Variants in BNC2 observed in about 807,000 individuals in gnomAD.
BNC2 encodes zinc finger protein basonuclin-2.
A neutral mutation model predicts 76.3 loss-of-function variants in BNC2; 20 were observed. The ratio of observed to expected loss-of-function variants is 0.26; its 90% confidence interval spans 0.18 to 0.38. The LOEUF (loss-of-function observed/expected upper bound fraction) is 0.38, where lower values mean the gene tolerates loss of function less well. Among genes scored for constraint, BNC2 ranks in the 10% least tolerant of loss-of-function variants. BNC2 has a pLI of 1.00. For synonymous variants in BNC2, 582 were observed against 514.8 expected (o/e 1.13, Z -1.77); for missense variants, 1,382 against 1,399.8 (o/e 0.99, Z 0.20).
rs1473647913 is a variant in BNC2 at position 16,678,261 on chromosome 9, C to CTTTCTCTTTT, written c.330+49535_330+49536insAAAAGAGAAA. On this transcript the variant is annotated intron_variant, in intron 3 of 6. Coordinates refer to ENST00000380672, the MANE Select transcript of BNC2 (RefSeq NM_017637.6). ...ACCATAACTTGTAACTGTTTTCTTT[C>CTTTCTCTTTT]TTTTTCTTTTTTTTTTTTTTTTTTT... 6.1e-4 allele frequency among the ~76,000 whole-genome samples: 46 copies of CTTTCTCTTTT among 75,880 alleles called. 1 individual carries two copies. The highest frequency in any genetic ancestry group is 2.5e-3 in the South Asian group (4 of 1,604). The allele number at this position is 75,880 out of a possible 152,430, so 49.8% of individuals were successfully genotyped here. A position where few individuals can be genotyped will look rare whatever the true frequency, so the allele number is the denominator to read the frequency against.
At chr9:16,819,548 A>T (rs1818265475) in intron 1 of BNC2, among the ~76,000 whole-genome samples, 1 of 152,012 alleles carries the variant, frequency 6.6e-6, no homozygotes, top group Non-Finnish European at 1.5e-5. Context: ...CTGTAATTCC[A>T]GCTACTCAGG....
At chr9:16,536,982 C>T (rs1818149522) in intron 5 of BNC2, among the ~76,000 whole-genome samples, 1 of 152,082 alleles carries the variant, frequency 6.6e-6, no homozygotes. Flanking sequence ...TGAAATGTTA[C>T]TAACATATTA....
At chr9:16,805,989 T>TC (rs1305709767) in intron 1 of BNC2, among the ~76,000 whole-genome samples, 1 of 152,090 alleles carries the variant, frequency 6.6e-6, no homozygotes, top group Non-Finnish European at 1.5e-5. Context: ...ATGATTTGCT[T>TC]CCCCAATGAA....
At chr9:16,615,513 C>T (rs1820673105) in intron 3 of BNC2, among the ~76,000 whole-genome samples, 2 of 152,122 alleles carry the variant, frequency 1.3e-5, no homozygotes, top group South Asian at 2.1e-4. Context: ...AATGGAAGGA[C>T]ATCAAAAGGA....
At chr9:16,710,591 T>C (rs959151879) in intron 3 of BNC2, among the ~76,000 whole-genome samples, 1 of 152,216 alleles carries the variant, frequency 6.6e-6, no homozygotes, top group Non-Finnish European at 1.5e-5. Context: ...TATGCATGTA[T>C]GCTTTTCAAG....
intron 3 of BNC2, among the ~76,000 whole-genome samples, chr9:16,661,671 A>G (rs895149847): frequency 1.3e-5 from 2 of 152,134 alleles, no homozygotes; most frequent in African/African-American, 2.4e-5. Context: ...TTTCATGTCT[A>G]TTTCTAAAGA....
At chr9:16,833,023 C>T (rs1031419596) in intron 1 of BNC2, among the ~76,000 whole-genome samples, 1 of 152,050 alleles carries the variant, frequency 6.6e-6, no homozygotes, top group African/African-American at 2.4e-5. Context: ...CCCGCCCTAC[C>T]CAAATTCCTT....
Position 16,523,621 on chromosome 9 carries a change from C to CA in BNC2, c.669+28908dup, listed in dbSNP as rs1168842111. On this transcript the variant is annotated intron_variant, in intron 5 of 6. Transcript: ENST00000380672. ...GTATAAACTTTCTGGAAAAAGAATA[C>CA]AAAAAAAGATTAAAAGAATCTTTTG... Among the ~76,000 whole-genome samples, 5 of 151,438 alleles carry CA rather than the reference C, an allele frequency of 3.3e-5. No individual in the cohort carries two copies. The South Asian group carries it at 6.2e-4, about 19-fold the overall frequency.
At chr9:16,458,414 T>A (rs1306001125) in intron 5 of BNC2, among the ~76,000 whole-genome samples, 1 of 152,228 alleles carries the variant, frequency 6.6e-6, no homozygotes, top group Admixed American at 6.5e-5. Context: ...AATATTGGGA[T>A]ATTAACAAAT....
chr9:16,419,577 CG>C lies in BNC2; in HGVS notation c.2711del (p.Ser904CysfsTer15). 1 of 1,611,812 alleles carries C rather than the reference CG, an allele frequency of 6.2e-7. No individual in the cohort carries two copies. The highest frequency in any genetic ancestry group is 8.5e-7 in the Non-Finnish European group (1 of 1,179,784). On this transcript the variant is annotated frameshift_variant, in exon 7 of 7. Coordinates refer to ENST00000380672, the MANE Select transcript of BNC2 (RefSeq NM_017637.6). LOFTEE classifies it high-confidence loss of function. ...KELDDMGLDS[S>X]QPSLSKDLRD... ...GGAGGTCCTTGCTAAGGGAGGGCTG[CG>C]ACGAGTCCAGGCCCATGTCATCGAG... is the stretch of plus-strand genomic sequence containing the variant.
rs546415010 is a variant in BNC2, at chr9:16,519,678, C to T, written c.669+32852G>A. Among the ~76,000 whole-genome samples, 5 of 152,304 alleles carry T rather than the reference C, an allele frequency of 3.3e-5. 1 individual carries two copies. The East Asian group carries it at 9.7e-4, about 29-fold the overall frequency. On this transcript the variant is annotated intron_variant, in intron 5 of 6. Coordinates refer to ENST00000380672, the MANE Select transcript of BNC2 (RefSeq NM_017637.6). Reference sequence around the variant, plus strand: ...CTACTTGTGGAGTTCTCATTAGGTACTAAGCACTTAACTACCATTTTCTCC... The same window carrying T: ...CTACTTGTGGAGTTCTCATTAGGTATTAAGCACTTAACTACCATTTTCTCC...
chr9:16,707,204 C>G (rs1417611265), intron 3 of BNC2, among the ~76,000 whole-genome samples: 2 of 147,360 alleles, frequency 1.4e-5, no homozygotes, highest in East Asian at 4.0e-4. Context: ...TCCGCCCCCC[C>G]GCCAAAAAAA....
At chr9:16,847,016 T>C (rs971763842) in intron 1 of BNC2, among the ~76,000 whole-genome samples, 2 of 152,166 alleles carry the variant, frequency 1.3e-5, no homozygotes, top group East Asian at 1.9e-4. Flanking sequence ...ACAAAGTAGA[T>C]AATATATTTA....
intron 4 of BNC2, 99 bp downstream of exon 4, chr9:16,582,884 T>A (rs934623704): frequency 2.6e-5 from 23 of 873,058 alleles, no homozygotes; most frequent in Non-Finnish European, 4.0e-5. Flanking sequence ...CAGTGACTCC[T>A]CTAAACAGAC....
chr9:16,823,121 G>A (rs1818378704), intron 1 of BNC2, among the ~76,000 whole-genome samples: 3 of 152,042 alleles, frequency 2.0e-5, no homozygotes. Context: ...TTCCTGAATA[G>A]AATTAACTAA....
At chr9:16,482,030 AAC>A (rs1351140593) in intron 5 of BNC2, among the ~76,000 whole-genome samples, 3 of 152,218 alleles carry the variant, frequency 2.0e-5, no homozygotes, top group Non-Finnish European at 4.4e-5. Flanking sequence ...GTTAGCTACA[AAC>A]ACATATAAAA....
chr9:16,700,161 G>C (rs937928245), intron 3 of BNC2, among the ~76,000 whole-genome samples: 2 of 152,124 alleles, frequency 1.3e-5, no homozygotes, highest in African/African-American at 4.8e-5. Context: ...ACTTCAGTTA[G>C]ACATAAAACT....
chr9:16,449,764 T>C (rs1821300609), intron 5 of BNC2, among the ~76,000 whole-genome samples: 1 of 142,290 alleles, frequency 7.0e-6, no homozygotes, highest in Non-Finnish European at 1.5e-5. Flanking sequence ...GCTTGGAATT[T>C]AGTAGTGGAA....
intron 5 of BNC2, among the ~76,000 whole-genome samples, chr9:16,519,022 G>A (rs1371324484): frequency 6.6e-6 from 1 of 152,258 alleles, no homozygotes; most frequent in Middle Eastern, 3.2e-3. Context: ...AAGAGAAGGT[G>A]TGCTTGCCAG....
Sources: allele counts gnomAD v4.1 joint callset (sites outside exome capture counted in the v4.1 genomes callset), GRCh38; gene constraint gnomAD v4.1.1; transcripts MANE v1.5; gene names NCBI Gene and HGNC (gene_info 2026-07-23, HGNC 2026-07-21).